Variants in XYLT1 observed in about 807,000 individuals in gnomAD.
XYLT1 encodes beta-D-xylosyltransferase 1.
A neutral mutation model predicts 91.3 loss-of-function variants in XYLT1; 36 were observed. The ratio of observed to expected loss-of-function variants is 0.39; its 90% CI spans 0.30 to 0.52. XYLT1 has a LOEUF of 0.52. XYLT1 is among the 20% of genes least tolerant of loss of function. XYLT1 has a pLI of 0.68. For synonymous variants in XYLT1, 588 were observed against 532.0 expected, an observed-to-expected ratio of 1.11 and a Z score of -1.45; for missense variants, 1,242 against 1,284.5, an observed-to-expected ratio of 0.97 and a Z score of 0.51.
intron 3 of XYLT1, among the ~76,000 whole-genome samples, chr16:17,217,963 A>T (rs530706917): frequency 0.043 from 6,468 of 151,880 alleles, 180 homozygotes; most frequent in South Asian, 0.1. Flanking sequence ...ATAATAAAAA[A>T]AAAAAAAGAC....
intron 1 of XYLT1, among the ~76,000 whole-genome samples, chr16:17,438,008 T>C (rs546327652): frequency 6.6e-6 from 1 of 152,014 alleles, no homozygotes; most frequent in East Asian, 1.9e-4. Flanking sequence ...TCACATCAAA[T>C]GCGAATGGAA....
At chr16:17,195,737 C>A (rs912135509) in intron 5 of XYLT1, among the ~76,000 whole-genome samples, 1 of 152,194 alleles carries the variant, frequency 6.6e-6, no homozygotes, top group African/African-American at 2.4e-5. Flanking sequence ...AGCCACTGCA[C>A]CCGGCCCACA....
At chr16:17,156,157 C>A (rs558481935) in intron 6 of XYLT1, among the ~76,000 whole-genome samples, 2 of 152,322 alleles carry the variant, frequency 1.3e-5, no homozygotes, top group African/African-American at 4.8e-5. Context: ...TGCAACACAG[C>A]TAGAACACAG....
intron 2 of XYLT1, among the ~76,000 whole-genome samples, chr16:17,269,823 T>C (rs937832335): frequency 6.6e-6 from 1 of 151,242 alleles, no homozygotes; most frequent in South Asian, 2.1e-4. Flanking sequence ...ATTATTATCA[T>C]TATTTTGAGA....
intron 2 of XYLT1, among the ~76,000 whole-genome samples, chr16:17,336,103 C>T (rs1293412371): frequency 1.3e-5 from 2 of 152,104 alleles, no homozygotes; most frequent in Non-Finnish European, 2.9e-5. Context: ...CATGGAGAAA[C>T]GTGCGGAGGT....
chr16:17,254,411 TG>T (rs920346219), intron 3 of XYLT1, among the ~76,000 whole-genome samples: 6 of 152,294 alleles, frequency 3.9e-5, no homozygotes, highest in African/African-American at 1.2e-4. Flanking sequence ...TACAATTTTT[TG>T]TTGACAGAGT....
At chr16:17,372,165 T>C (rs1038456728) in intron 1 of XYLT1, among the ~76,000 whole-genome samples, 4 of 152,236 alleles carry the variant, frequency 2.6e-5, no homozygotes, top group Admixed American at 2.6e-4. Flanking sequence ...CTCTGCACTT[T>C]GCATTTAGTT....
chr16:17,338,455 G>C (rs568553718), intron 2 of XYLT1: 52 of 456,500 alleles, frequency 1.1e-4, no homozygotes, highest in African/African-American at 1.0e-3. Context: ...TGAAACCTAC[G>C]CTTTGCCGGG....
intron 3 of XYLT1, among the ~76,000 whole-genome samples, chr16:17,232,938 C>G (rs2033190307): frequency 6.6e-6 from 1 of 152,094 alleles, no homozygotes; most frequent in African/African-American, 2.4e-5. Flanking sequence ...CTGATTGCCC[C>G]CTTTGGGCAT....
chr16:17,167,304 T>C (rs991417111), intron 5 of XYLT1, among the ~76,000 whole-genome samples: 1 of 152,218 alleles, frequency 6.6e-6, no homozygotes, highest in Non-Finnish European at 1.5e-5. Context: ...TGAGTGCGAG[T>C]CGCACAACAG....
At chr16:17,415,286 C>T (rs1032381643) in intron 1 of XYLT1, among the ~76,000 whole-genome samples, 8 of 152,138 alleles carry the variant, frequency 5.3e-5, no homozygotes, top group African/African-American at 9.7e-5. Context: ...CTACTGTATG[C>T]GAAGAGCTGG....
At chr16:17,345,624 G>A (rs1050401921) in intron 2 of XYLT1, among the ~76,000 whole-genome samples, 1 of 152,206 alleles carries the variant, frequency 6.6e-6, no homozygotes, top group Non-Finnish European at 1.5e-5. Context: ...AAGCTCAGAA[G>A]CTAAAAGCCT....
intron 10 of XYLT1, among the ~76,000 whole-genome samples, 149 bp downstream of exon 10, chr16:17,127,504 CTGGGGCCGGAGAA>C (rs1032730864): frequency 6.6e-6 from 1 of 152,212 alleles, no homozygotes; most frequent in Non-Finnish European, 1.5e-5. Flanking sequence ...GTGCCAGTGA[CTGGGGCCGGAGAA>C]CCTTCTTCGG....
intron 5 of XYLT1, among the ~76,000 whole-genome samples, chr16:17,165,193 G>A (rs2031647183): frequency 6.6e-6 from 1 of 152,216 alleles, no homozygotes; most frequent in Non-Finnish European, 1.5e-5. Context: ...CTCCTATGTG[G>A]TATTTGCATC....
chr16:17,117,377 A>G lies in XYLT1; in HGVS notation c.2557+269T>C, dbSNP rs4780715. On this transcript the variant is annotated intron_variant, in intron 11 of 11. Coordinates refer to ENST00000261381, the MANE Select transcript of XYLT1 (RefSeq NM_022166.4). ...GGGTTTATTTCCCATCTTGTCTTCA[A>G]TATGATCTAGGCTTTCTGGAAGTTG... 0.89 allele frequency among the ~76,000 whole-genome samples: 134,781 copies of G among 152,172 alleles called. 60,635 individuals carry two copies. Among genetic ancestry groups the G allele is most frequent in the Non-Finnish European group, 0.96 (65,553 of 68,030 alleles).
rs1348642118 is a variant in XYLT1, at chr16:17,105,467, AC to A, written c.*3227del. The stretch of plus-strand genomic sequence containing the variant: ...GGGAGAAAGCAGCGCGCTTCTCACA[AC>A]ACGGGGACCTTGGGAATTGCTCACT... On this transcript the variant is annotated 3_prime_UTR_variant, in exon 12 of 12. Coordinates refer to ENST00000261381, the MANE Select transcript of XYLT1 (RefSeq NM_022166.4). The A allele has an allele frequency of 2.6e-5, 4 of 152,216 alleles. No individual in the cohort carries two copies. Among genetic ancestry groups the A allele is most frequent in the Non-Finnish European group, 5.9e-5 (4 of 68,036 alleles). 9.4% of individuals were successfully genotyped at this position (152,216 alleles called of 1,614,324 possible).
At chr16:17,408,756 G>C (rs1472875847) in intron 1 of XYLT1, among the ~76,000 whole-genome samples, 2 of 152,188 alleles carry the variant, frequency 1.3e-5, no homozygotes, top group African/African-American at 4.8e-5. Context: ...TGAGGCAGGA[G>C]AATCGCTTGA....
At chr16:17,316,063 G>T (rs1481128564) in intron 2 of XYLT1, among the ~76,000 whole-genome samples, 1 of 152,150 alleles carries the variant, frequency 6.6e-6, no homozygotes, top group Admixed American at 6.5e-5. Flanking sequence ...CCCCCACCTG[G>T]TTGGCCACAC....
chr16:17,302,245 T>A (rs548665284), intron 2 of XYLT1, among the ~76,000 whole-genome samples: 200 of 151,922 alleles, frequency 1.3e-3, no homozygotes, highest in Middle Eastern at 6.8e-3. Context: ...ATAATAATAA[T>A]AAAAAAATAC....
Sources: allele counts gnomAD v4.1 joint callset (sites outside exome capture counted in the v4.1 genomes callset), GRCh38; gene constraint gnomAD v4.1.1; transcripts MANE v1.5; gene names NCBI Gene and HGNC (gene_info 2026-07-23, HGNC 2026-07-21).